The following ATP11A variants were observed in gnomAD, a reference collection of about 807,000 sequenced individuals.
ATP11A encodes the protein phospholipid-transporting ATPase IH.
ATP11A carries 81 observed loss-of-function variants against 154.4 expected under a neutral mutation model. The ratio of observed to expected loss-of-function variants is 0.52; its 90% CI spans 0.44 to 0.63. The LOEUF is 0.63. Ranked by LOEUF, ATP11A falls within the 30% of genes least tolerant of loss-of-function variation. The pLI is 0.00. For synonymous variants in ATP11A, 623 were observed against 585.9 expected, an observed-to-expected ratio of 1.06 and a Z score of -0.91; for missense variants, 1,316 against 1,474.3, an observed-to-expected ratio of 0.89 and a Z score of 1.76.
intron 1 of ATP11A, among the ~76,000 whole-genome samples, chr13:112,735,931 C>G (rs977478298): frequency 6.6e-5 from 10 of 152,332 alleles, no homozygotes; most frequent in African/African-American, 2.4e-4. Context: ...TGTGCGCATG[C>G]TCTGCTGCCG....
At chr13:112,725,105 G>A (rs576154247) in intron 1 of ATP11A, among the ~76,000 whole-genome samples, 1 of 152,262 alleles carries the variant, frequency 6.6e-6, no homozygotes, top group East Asian at 1.9e-4. Context: ...ATACCTGGGG[G>A]AAGACTTGAA....
chr13:112,856,855 G>C (rs1264759425), intron 20 of ATP11A: 1 of 152,202 alleles, frequency 6.6e-6, no homozygotes, highest in Non-Finnish European at 1.5e-5. Context: ...AAACCAAGGA[G>C]GTGAAAAGTT....
chr13:112,877,438 G>A (rs1030437026), intron 28 of ATP11A, among the ~76,000 whole-genome samples: 5 of 152,234 alleles, frequency 3.3e-5, no homozygotes, highest in African/African-American at 1.2e-4. Context: ...TCTGTGCATG[G>A]GACACGTGTT....
rs1347841061 is a variant in ATP11A at position 112,690,663 on chromosome 13, C to T, written c.39+208C>T. 2.0e-5 allele frequency among the ~76,000 whole-genome samples: 3 copies of T among 151,924 alleles called. No homozygotes were observed. Among genetic ancestry groups the T allele is most frequent in the Admixed American group, 2.0e-4 (3 of 15,296 alleles). ...GCTTCCGACGGGGTCTAGGTGGGCA[C>T]AGCGCGGGGCCCCAGCCCCGGGCGG... On this transcript the variant is annotated intron_variant, in intron 1 of 29. Coordinates refer to ENST00000375645, the MANE Select transcript of ATP11A (RefSeq NM_015205.3). The surrounding 1 kb of genome is among the most constrained non-coding windows in gnomAD (Gnocchi z 5.6).
chr13:112,865,542 T>C (rs2080302137), intron 25 of ATP11A, among the ~76,000 whole-genome samples: 1 of 152,238 alleles, frequency 6.6e-6, no homozygotes. Context: ...GCTGAAGTTT[T>C]TTTTTGTTTT....
rs529899458 is a variant in ATP11A at position 112,832,331 on chromosome 13, C to G, written c.1396-529C>G. Among the ~76,000 whole-genome samples, 5 of 152,338 alleles carry G rather than the reference C, an allele frequency of 3.3e-5. No individual in the cohort carries two copies. In the South Asian group the frequency reaches 6.2e-4, roughly 19 times the overall value. Reference sequence around the variant, plus strand: ...ACCTTCCTAAACGCTGATTCTGCAGCTGCAGGCGCAGGATAATAGCTCCAA... The same window carrying G: ...ACCTTCCTAAACGCTGATTCTGCAGGTGCAGGCGCAGGATAATAGCTCCAA... On this transcript the variant is annotated intron_variant, in intron 13 of 29. Transcript: ENST00000375645.
intron 1 of ATP11A, among the ~76,000 whole-genome samples, chr13:112,726,488 G>T (rs548853092): frequency 2.6e-5 from 4 of 152,290 alleles, no homozygotes; most frequent in African/African-American, 7.2e-5. Flanking sequence ...TTGTACTTCC[G>T]AGAGCTTTTC....
At chr13:112,878,336 T>C (rs2080791581) in intron 29 of ATP11A, 33 bp downstream of exon 29, 1 of 1,607,342 alleles carries the variant, frequency 6.2e-7, no homozygotes, top group Non-Finnish European at 8.5e-7. Context: ...GCACCTGGGA[T>C]GGTAGACACG....
chr13:112,881,316 T>C (rs9549316), intron 29 of ATP11A: 436,029 of 1,004,438 alleles, frequency 0.43, 95,010 homozygotes, highest in Admixed American at 0.47. Context: ...TATGGTGACA[T>C]CCTAGGCAAC....
chr13:112,771,224 G>A (rs1283385295), intron 1 of ATP11A, among the ~76,000 whole-genome samples: 2 of 152,250 alleles, frequency 1.3e-5, no homozygotes, highest in Non-Finnish European at 2.9e-5. Flanking sequence ...GTGACCCACG[G>A]TGGAAAGTTG....
intron 11 of ATP11A, 98 bp from the exon 12 acceptor site, chr13:112,826,596 G>A (rs1332541639): frequency 9.3e-5 from 91 of 981,612 alleles, no homozygotes; most frequent in South Asian, 4.5e-4. Flanking sequence ...AGTAGCGCTC[G>A]TATAACTTAT....
intron 16 of ATP11A, among the ~76,000 whole-genome samples, chr13:112,839,963 C>T (rs528239743): frequency 6.6e-6 from 1 of 152,264 alleles, no homozygotes; most frequent in African/African-American, 2.4e-5. Context: ...AGTCGGGAAA[C>T]GGCTCTGACA....
chr13:112,871,727 C>A lies in ATP11A; in HGVS notation c.2992-8C>A, dbSNP rs2080526764. On this transcript the variant is annotated splice_region_variant and splice_polypyrimidine_tract_variant and intron_variant, in intron 25 of 29. Coordinates refer to ENST00000375645, the MANE Select transcript of ATP11A (RefSeq NM_015205.3). ...AACGAGATGACTTGGACTATTTTCC[C>A]CAAACAGATATTTGGAAACTGGACG... The A allele has an allele frequency of 6.2e-7, 1 of 1,613,444 alleles. No individual in the cohort carries two copies. The highest frequency in any genetic ancestry group is 1.3e-5 in the African/African-American group (1 of 74,900).
intron 1 of ATP11A, among the ~76,000 whole-genome samples, chr13:112,714,427 G>C (rs373519329): frequency 4.6e-4 from 70 of 152,228 alleles, no homozygotes; most frequent in African/African-American, 1.6e-3. Flanking sequence ...TCAGGGAGCG[G>C]TGTGGAGGAG....
intron 1 of ATP11A, among the ~76,000 whole-genome samples, chr13:112,715,047 A>T (rs1427796196): frequency 2.0e-5 from 3 of 152,180 alleles, no homozygotes; most frequent in Non-Finnish European, 2.9e-5. Context: ...TGACCAGCTC[A>T]TTTCACTCAG....
At chr13:112,845,837 A>ACTAACCAGTCCAGTTGCCGGCACTAGCG (rs1566565127) in intron 17 of ATP11A, among the ~76,000 whole-genome samples, 1 of 122,662 alleles carries the variant, frequency 8.2e-6, no homozygotes, top group Non-Finnish European at 1.8e-5. Context: ...CGGCACTAGC[A>ACTAACCAGTCCAGTTGCCGGCACTAGCG]GTACTAACCA....
intron 1 of ATP11A, among the ~76,000 whole-genome samples, chr13:112,738,873 G>C (rs1453857907): frequency 7.2e-6 from 1 of 138,384 alleles, no homozygotes; most frequent in Non-Finnish European, 1.5e-5. Flanking sequence ...ATGCAGTTCT[G>C]GGGCCTGCTG....
At chr13:112,871,943 G>GCAC (rs942598560) in intron 26 of ATP11A, 143 bp downstream of exon 26, 1 of 831,986 alleles carries the variant, frequency 1.2e-6, no homozygotes, top group Non-Finnish European at 2.0e-6. Context: ...GGCTCCTGGG[G>GCAC]CACCCCTGGG....
intron 1 of ATP11A, among the ~76,000 whole-genome samples, chr13:112,733,932 C>A (rs1890738532): frequency 6.6e-6 from 1 of 152,230 alleles, no homozygotes; most frequent in African/African-American, 2.4e-5. Flanking sequence ...CTTTCCTTTT[C>A]TTTCCAATCT....
Sources: gnomAD v4.1 joint callset for allele counts (sites outside exome capture counted in the v4.1 genomes callset) on GRCh38, gnomAD v4.1.1 for gene constraint, Gnocchi (gnomAD v3.1) non-coding constraint, MANE v1.5 for transcripts, NCBI Gene and HGNC (gene_info 2026-07-23, HGNC 2026-07-21) for gene names.